Variants in OCA2 observed in about 807,000 individuals in gnomAD.
OCA2 encodes P protein.
A neutral mutation model predicts 100.2 loss-of-function variants in OCA2; 77 were observed. The observed-to-expected ratio is 0.77, with a 90% confidence interval of 0.64 to 0.93. OCA2 has a LOEUF of 0.93. Among genes scored for constraint, OCA2 ranks in the 40% least tolerant of loss-of-function variants. OCA2 has a pLI of 0.00. For synonymous variants in OCA2, 432 were observed against 439.2 expected, an observed-to-expected ratio of 0.98 and a Z score of 0.21; for missense variants, 1,062 against 1,089.1, an observed-to-expected ratio of 0.98 and a Z score of 0.35.
intron 21 of OCA2, among the ~76,000 whole-genome samples, chr15:27,858,400 A>C (rs2036017902): frequency 6.6e-6 from 1 of 152,020 alleles, no homozygotes; most frequent in African/African-American, 2.4e-5. Context: ...AAAAAAAAAA[A>C]AAAAACAGAA....
chr15:27,838,460 T>TA (rs1178593923), intron 23 of OCA2, among the ~76,000 whole-genome samples: 1 of 152,064 alleles, frequency 6.6e-6, no homozygotes, highest in Non-Finnish European at 1.5e-5. Context: ...AGACTCAACA[T>TA]AAAGAGATCC....
chr15:27,868,060 A>T (rs2036393844), intron 21 of OCA2, among the ~76,000 whole-genome samples: 1 of 152,218 alleles, frequency 6.6e-6, no homozygotes, highest in Non-Finnish European at 1.5e-5. Flanking sequence ...CAGCAGGGGC[A>T]GAAGCCAAAC....
chr15:27,824,527 C>T (rs1314124001), intron 23 of OCA2, among the ~76,000 whole-genome samples: 1 of 148,800 alleles, frequency 6.7e-6, no homozygotes, highest in Non-Finnish European at 1.5e-5. Flanking sequence ...GGGGCAGGCA[C>T]TTATGTGAAA....
intron 2 of OCA2, among the ~76,000 whole-genome samples, chr15:28,035,100 A>G: frequency 6.6e-6 from 1 of 152,050 alleles, no homozygotes; most frequent in Non-Finnish European, 1.5e-5. Context: ...TAAGAAGGAA[A>G]ATTAGAAATG....
At chr15:28,093,332 G>A (rs1297835298) in intron 1 of OCA2, among the ~76,000 whole-genome samples, 1 of 151,326 alleles carries the variant, frequency 6.6e-6, no homozygotes, top group Non-Finnish European at 1.5e-5. Flanking sequence ...TGAGGCAGGA[G>A]AATCACTTGA....
chr15:27,894,508 G>A (rs972143241), intron 19 of OCA2, among the ~76,000 whole-genome samples: 2 of 152,228 alleles, frequency 1.3e-5, no homozygotes, highest in African/African-American at 4.8e-5. Flanking sequence ...CCTGATCTCT[G>A]GGTCTTGATG....
chr15:27,761,558 A>G (rs754561196), intron 23 of OCA2, among the ~76,000 whole-genome samples: 5 of 152,138 alleles, frequency 3.3e-5, no homozygotes, highest in Non-Finnish European at 5.9e-5. Context: ...ATTTGCCCCA[A>G]ATTGATTCTA....
chr15:28,015,275 C>G (rs1283698765), intron 8 of OCA2, among the ~76,000 whole-genome samples: 1 of 152,186 alleles, frequency 6.6e-6, no homozygotes, highest in Non-Finnish European at 1.5e-5. Flanking sequence ...GCAAAGCCAG[C>G]TATTTGAACT....
intron 22 of OCA2, among the ~76,000 whole-genome samples, chr15:27,848,989 T>G (rs1439967019): frequency 9.2e-5 from 14 of 151,788 alleles, no homozygotes; most frequent in Non-Finnish European, 7.4e-5. Context: ...CCTGGGTTTG[T>G]GTGAACACAG....
chr15:27,934,609 G>C (rs1404399347), intron 18 of OCA2, among the ~76,000 whole-genome samples: 1 of 152,176 alleles, frequency 6.6e-6, no homozygotes, highest in Non-Finnish European at 1.5e-5. Context: ...CTAAAAGTCA[G>C]TAAGAACACA....
At chr15:27,980,005 C>T (rs984560157) in intron 14 of OCA2, among the ~76,000 whole-genome samples, 1 of 151,842 alleles carries the variant, frequency 6.6e-6, no homozygotes, top group Non-Finnish European at 1.5e-5. Context: ...TGAGCCACCG[C>T]ACCTGACACA....
the OCA2 span, among the ~76,000 whole-genome samples, chr15:27,720,596 C>CA: frequency 6.6e-6 from 1 of 151,164 alleles, no homozygotes; most frequent in African/African-American, 2.4e-5. Flanking sequence ...CTAGGCTGAG[C>CA]AAAAAATGAA....
chr15:27,963,101 T>G (rs927614172), intron 15 of OCA2, among the ~76,000 whole-genome samples: 1 of 152,202 alleles, frequency 6.6e-6, no homozygotes, highest in African/African-American at 2.4e-5. Flanking sequence ...TAAATATTTA[T>G]GTGCCCTAAT....
In OCA2 at chr15:27,983,392, C is replaced by G. The variant is rs772324459; in HGVS notation, c.1456G>C (p.Asp486His). 6.2e-7 allele frequency: 1 copy of G among 1,614,170 alleles called. No homozygotes were observed. Among genetic ancestry groups the G allele is most frequent in the Non-Finnish European group, 8.5e-7 (1 of 1,180,032 alleles). ...GAAACAATAATGACATTTGGAGGGTCCCCGATGGCAGTGGCAGCTCCTCCA... is the reference window on the plus strand; with the variant it reads ...GAAACAATAATGACATTTGGAGGGTGCCCGATGGCAGTGGCAGCTCCTCCA... The part of the protein sequence containing the change: ...NIGGAATAIG[D>H]PPNVIIVSNQ... Residue 486 changes from aspartate (D) to histidine (H), a missense_variant, in exon 14 of 24, where the codon GAC (aspartate) becomes CAC (histidine). Coordinates refer to ENST00000354638, the MANE Select transcript of OCA2 (RefSeq NM_000275.3).
At chr15:27,843,768 G>A (rs17747284) in intron 23 of OCA2, among the ~76,000 whole-genome samples, 31,869 of 152,006 alleles carry the variant, frequency 0.21, 4,150 homozygotes, top group East Asian at 0.56. Flanking sequence ...AAAATCCAAC[G>A]TGCTAGTGTT....
intron 23 of OCA2, among the ~76,000 whole-genome samples, chr15:27,768,767 G>A (rs2031482662): frequency 6.6e-6 from 1 of 152,226 alleles, no homozygotes; most frequent in South Asian, 2.1e-4. Context: ...CCCTGTGGTG[G>A]CAGCCCCCGT....
At chr15:27,731,233 A>G in the OCA2 span, among the ~76,000 whole-genome samples, 2 of 152,202 alleles carry the variant, frequency 1.3e-5, no homozygotes, top group African/African-American at 4.8e-5. Flanking sequence ...CTTTGCATGC[A>G]AAGTCTTCAA....
chr15:28,057,693 C>G (rs2043744383), intron 2 of OCA2, among the ~76,000 whole-genome samples: 1 of 152,340 alleles, frequency 6.6e-6, no homozygotes, highest in Non-Finnish European at 1.5e-5. Flanking sequence ...CAGGCATGAA[C>G]AAGACACACT....
intron 19 of OCA2, among the ~76,000 whole-genome samples, chr15:27,882,560 G>A (rs1479767346): frequency 6.6e-6 from 1 of 152,092 alleles, no homozygotes; most frequent in African/African-American, 2.4e-5. Flanking sequence ...TCTGTTGACT[G>A]TCATTTTCCC....
Sources: gnomAD v4.1 joint callset for allele counts (sites outside exome capture counted in the v4.1 genomes callset) on GRCh38, gnomAD v4.1.1 for gene constraint, MANE v1.5 for transcripts, NCBI Gene and HGNC (gene_info 2026-07-23, HGNC 2026-07-21) for gene names.